PPIG: variants seen among roughly 807,000 people sequenced by gnomAD.
PPIG encodes the protein peptidylprolyl isomerase G.
PPIG carries 26 observed loss-of-function variants against 87.9 expected under a neutral mutation model. That is an observed-to-expected ratio of 0.30 (90% CI 0.22 to 0.41). The LOEUF (loss-of-function observed/expected upper bound fraction) is 0.41, where lower values mean the gene tolerates loss of function less well. Among genes scored for constraint, PPIG ranks in the 10% least tolerant of loss-of-function variants. The pLI is 1.00. For missense variants in PPIG, 722 were observed against 879.4 expected, an observed-to-expected ratio of 0.82 and a Z score of 2.26; for synonymous variants, 308 against 276.5, an observed-to-expected ratio of 1.11 and a Z score of -1.13.
In PPIG at chr2:169,603,896, C is replaced by T. The variant is rs1299897142; in HGVS notation, c.-16-130C>T. On this transcript the variant is annotated intron_variant, in intron 2 of 13. Transcript: ENST00000260970. Reference sequence around the variant, plus strand: ...CACTAATAATCCATGTGATTTACCTCATAGAAATAAATATCAAAATAAATT... The same window carrying T: ...CACTAATAATCCATGTGATTTACCTTATAGAAATAAATATCAAAATAAATT... 5 of 701,768 alleles carry T rather than the reference C, an allele frequency of 7.1e-6. No homozygotes were observed. In the East Asian group the frequency reaches 8.2e-5, roughly 11 times the overall value. The allele number at this position is 701,768 out of a possible 1,614,324, so 43.5% of individuals were successfully genotyped here. A position where few individuals can be genotyped will look rare whatever the true frequency, so the allele number is the denominator to read the frequency against.
In PPIG at chr2:169,636,636, A is replaced by C. The variant is rs1165805921; in HGVS notation, c.1378A>C (p.Ser460Arg). 1.3e-6 allele frequency: 2 copies of C among 1,594,260 alleles called. No individual in the cohort carries two copies. The highest frequency in any genetic ancestry group is 1.7e-6 in the Non-Finnish European group (2 of 1,175,350). Residue 460 changes from serine (S) to arginine (R), a missense_variant, in exon 14 of 14, where the codon AGT becomes CGT. Transcript: ENST00000260970. ...NKVKKRAKSK[S>R]RSKSKEKSKS... The stretch of plus-strand genomic sequence containing the variant: ...AGTGAAGAAAAGGGCCAAATCTAAA[A>C]GTAGGAGTAAGAGCAAAGAGAAATC...
chr2:169,619,980 C>T (rs755940160), intron 9 of PPIG, among the ~76,000 whole-genome samples: 2 of 152,004 alleles, frequency 1.3e-5, no homozygotes, highest in Non-Finnish European at 2.9e-5. Context: ...TGGATATTAA[C>T]CCGTTGTCAG....
chr2:169,607,708 A>G (rs1685372111), intron 6 of PPIG, among the ~76,000 whole-genome samples: 1 of 152,210 alleles, frequency 6.6e-6, no homozygotes, highest in South Asian at 2.1e-4. Flanking sequence ...ATTTGTTCTT[A>G]ATATTCTAAC....
intron 4 of PPIG, among the ~76,000 whole-genome samples, chr2:169,605,359 T>C (rs1364988902): frequency 1.3e-5 from 2 of 150,682 alleles, no homozygotes; most frequent in Non-Finnish European, 3.0e-5. Context: ...AAAAATCAGC[T>C]GGGTATGGTG....
chr2:169,632,701 C>T (rs918619189), intron 11 of PPIG, among the ~76,000 whole-genome samples: 3 of 151,964 alleles, frequency 2.0e-5, no homozygotes, highest in Middle Eastern at 3.4e-3. Context: ...GCCGAGATCA[C>T]GGCACTGCAC....
In PPIG at chr2:169,629,679, C is replaced by T. The variant is rs1259521532; in HGVS notation, c.548-1095C>T. On this transcript the variant is annotated intron_variant, in intron 9 of 13. Transcript: ENST00000260970. ...GACTTGAAATTCCTTTTAATGAAAACAGGAGTCACACAGGACAAGTTGTCT... is the reference window on the plus strand; with the variant it reads ...GACTTGAAATTCCTTTTAATGAAAATAGGAGTCACACAGGACAAGTTGTCT... Among the ~76,000 whole-genome samples, 5 of 152,244 alleles carry T rather than the reference C, an allele frequency of 3.3e-5. No homozygotes were observed. In the East Asian group the frequency reaches 9.7e-4, roughly 29 times the overall value.
At chr2:169,614,410 A>G in intron 7 of PPIG, 54 bp from the exon 8 acceptor site, 1 of 1,438,956 alleles carries the variant, frequency 6.9e-7, no homozygotes, top group Non-Finnish European at 9.5e-7. Context: ...AGAGATGCTA[A>G]CTTTGTTTTT....
intron 11 of PPIG, 134 bp downstream of exon 11, chr2:169,632,067 C>G: frequency 8.3e-7 from 1 of 1,202,240 alleles, no homozygotes; most frequent in Non-Finnish European, 1.1e-6. Flanking sequence ...AATGTTCTTC[C>G]GCAAAGTTCT....
intron 9 of PPIG, among the ~76,000 whole-genome samples, chr2:169,628,870 C>T (rs181909650): frequency 2.8e-5 from 4 of 145,222 alleles, no homozygotes; most frequent in Admixed American, 1.4e-4. Flanking sequence ...CACTTGAGCC[C>T]GGAAGGTCAA....
At chr2:169,591,870 T>C (rs191328038) in intron 1 of PPIG, among the ~76,000 whole-genome samples, 3 of 151,136 alleles carry the variant, frequency 2.0e-5, no homozygotes, top group Admixed American at 2.0e-4. Flanking sequence ...CACAGATTAC[T>C]ACTACACTGA....
chr2:169,606,252 C>A, intron 5 of PPIG, 106 bp downstream of exon 5: 2 of 816,302 alleles, frequency 2.5e-6, no homozygotes, highest in Non-Finnish European at 2.0e-6. Context: ...ACTCTCACTC[C>A]ATTTAATCTT....
In PPIG at chr2:169,637,579, G is replaced by A; in HGVS notation, c.*56G>A. 1 of 1,415,744 alleles carries A rather than the reference G, an allele frequency of 7.1e-7. No individual in the cohort carries two copies. Among genetic ancestry groups the A allele is most frequent in the Non-Finnish European group, 9.4e-7 (1 of 1,065,072 alleles). 87.7% of individuals were successfully genotyped at this position (1,415,744 alleles called of 1,614,324 possible). Reference sequence around the variant, plus strand: ...TTCGGATTTTAAGTTTGAGAGACTTGCTAATGAATCTCCTTTATGTTGTTT... The same window carrying A: ...TTCGGATTTTAAGTTTGAGAGACTTACTAATGAATCTCCTTTATGTTGTTT... On this transcript the variant is annotated 3_prime_UTR_variant, in exon 14 of 14. Transcript: ENST00000260970.
At chr2:169,595,372 A>T (rs939247016) in intron 1 of PPIG, among the ~76,000 whole-genome samples, 1 of 152,252 alleles carries the variant, frequency 6.6e-6, no homozygotes, top group African/African-American at 2.4e-5. Flanking sequence ...AGACTGAATG[A>T]AGTATCCGTC....
At chr2:169,594,801 AT>A (rs34128662) in intron 1 of PPIG, among the ~76,000 whole-genome samples, 10 of 150,826 alleles carry the variant, frequency 6.6e-5, no homozygotes, top group African/African-American at 2.2e-4. Flanking sequence ...ATTTTTTTGT[AT>A]TTTTTAGTGG....
chr2:169,637,440 C>G lies in PPIG; in HGVS notation c.2182C>G (p.Gln728Glu). 1 of 1,611,728 alleles carries G rather than the reference C, an allele frequency of 6.2e-7. No homozygotes were observed. The highest frequency in any genetic ancestry group is 8.5e-7 in the Non-Finnish European group (1 of 1,179,456). ...AAAAGAAAACCAAAAATCAAAAGGT[C>G]AAGAAAATGACCATGTACATGAAAA... ...VEKENQKSKG[Q>E]ENDHVHEKNK... is the part of the protein sequence containing the mutation. Residue 728 changes from glutamine to glutamate, a missense_variant, in exon 14 of 14, where the codon CAA becomes GAA. Physicochemically the swap from Gln to Glu is conservative, Grantham distance 29 (BLOSUM62 2). Transcript: ENST00000260970.
intron 1 of PPIG, among the ~76,000 whole-genome samples, chr2:169,600,753 A>G (rs998617119): frequency 1.3e-5 from 2 of 152,224 alleles, no homozygotes; most frequent in African/African-American, 4.8e-5. Flanking sequence ...AGTCTGCTGT[A>G]TACAACCTAG....
chr2:169,601,148 A>G (rs1479805872), intron 1 of PPIG, among the ~76,000 whole-genome samples: 1 of 152,220 alleles, frequency 6.6e-6, no homozygotes, highest in Non-Finnish European at 1.5e-5. Flanking sequence ...CTTGTGTTAC[A>G]ATGAAACTGC....
At chr2:169,605,410 G>A (rs1168793562) in intron 4 of PPIG, among the ~76,000 whole-genome samples, 3 of 152,106 alleles carry the variant, frequency 2.0e-5, no homozygotes, top group Non-Finnish European at 4.4e-5. Context: ...GGATGAGGCG[G>A]GAGATTCGCT....
chr2:169,593,464 A>T (rs754945506), intron 1 of PPIG, among the ~76,000 whole-genome samples: 5 of 151,970 alleles, frequency 3.3e-5, no homozygotes, highest in African/African-American at 4.8e-5. Flanking sequence ...CCAAAGTAGC[A>T]GTACATTTAT....
Sources: gnomAD v4.1 joint callset for allele counts (sites outside exome capture counted in the v4.1 genomes callset) on GRCh38, gnomAD v4.1.1 for gene constraint, MANE v1.5 for transcripts, NCBI Gene and HGNC (gene_info 2026-07-23, HGNC 2026-07-21) for gene names.